Variants in ZNF454 observed in about 807,000 individuals in gnomAD.
ZNF454 encodes zinc finger protein 454.
ZNF454 carries 30 observed loss-of-function variants against 48.2 expected under a neutral mutation model. The observed-to-expected ratio is 0.62, with a 90% CI of 0.47 to 0.84. The LOEUF (loss-of-function observed/expected upper bound fraction) is 0.84. Ranked by LOEUF, ZNF454 falls within the 40% of genes least tolerant of loss-of-function variation. The probability of loss-of-function intolerance (pLI) is 0.00; values close to 1 mark genes in which losing one functional copy is unlikely to be tolerated. For missense variants in ZNF454, 510 were observed against 623.1 expected (o/e 0.82, Z 1.93); for synonymous variants, 204 against 211.4 (o/e 0.97, Z 0.30).
the ZNF454 span, chr5:178,975,997 T>C: frequency 2.6e-6 from 1 of 380,224 alleles, no homozygotes; most frequent in South Asian, 1.9e-5. Flanking sequence ...TCCACTCTGC[T>C]GCCTTCCTCA....
chr5:178,989,462 C>G, the ZNF454 span: 4 of 1,608,662 alleles, frequency 2.5e-6, no homozygotes, highest in Non-Finnish European at 3.4e-6. Context: ...TGTGTTTCTC[C>G]TGTGTCTCTC....
At chr5:178,966,952 G>A (rs1760172878), downstream of ZNF454, among the ~76,000 whole-genome samples, 1 of 152,192 alleles carries the variant, frequency 6.6e-6, no homozygotes, top group Non-Finnish European at 1.5e-5. Context: ...ACCTATCACT[G>A]CCCCTATGGG....
rs1759219954 is a variant in ZNF454 at position 178,944,045 on chromosome 5, A to G, written c.33+1221A>G. ...CCATCTCAAAAATAAAAAATAAAAA[A>G]GAATATGGACTGTGCTTTGAAGGAG... On this transcript the variant is annotated intron_variant, in intron 2 of 4. Transcript: ENST00000519564. This position sits in a 1 kb window ranked among gnomAD's most constrained non-coding sequence, Gnocchi z 4.1. Among the ~76,000 whole-genome samples, 1 of 152,204 alleles carries G rather than the reference A, an allele frequency of 6.6e-6. No individual in the cohort carries two copies. The highest frequency in any genetic ancestry group is 2.4e-5 in the African/African-American group (1 of 41,460).
the ZNF454 span, chr5:178,979,569 G>C: frequency 6.6e-6 from 1 of 152,206 alleles, no homozygotes; most frequent in Non-Finnish European, 1.5e-5. Context: ...AGTCGTCTGC[G>C]GGAAGCCAGG....
At chr5:178,966,973 G>C (rs1760173345), downstream of ZNF454, among the ~76,000 whole-genome samples, 1 of 152,146 alleles carries the variant, frequency 6.6e-6, no homozygotes, top group African/African-American at 2.4e-5. Context: ...GAGTGTGGTG[G>C]TCTGGTCTCA....
chr5:178,989,545 G>A, the ZNF454 span: 1 of 1,084,782 alleles, frequency 9.2e-7, no homozygotes, highest in Admixed American at 1.7e-5. Context: ...GCATGGCCAG[G>A]TGAGCTAGGA....
chr5:178,978,011 A>C, the ZNF454 span, among the ~76,000 whole-genome samples: 1 of 152,170 alleles, frequency 6.6e-6, no homozygotes, highest in Admixed American at 6.5e-5. Flanking sequence ...ACATTTCTTC[A>C]GCCTTTTCTC....
Position 178,942,736 on chromosome 5 carries a change from C to G in ZNF454, c.-56C>G. ...GGAGTCCTGCAGGTGTGAAGCTCCA[C>G]ACCTGCCTCCATAGCACTTTGCCTG... is the stretch of plus-strand genomic sequence containing the variant. On this transcript the variant is annotated 5_prime_UTR_variant, in exon 2 of 5. Coordinates refer to ENST00000519564, the MANE Select transcript of ZNF454 (RefSeq NM_001178089.3). The G allele has an allele frequency of 6.2e-7, 1 of 1,609,708 alleles. No individual in the cohort carries two copies. Among genetic ancestry groups the G allele is most frequent in the Non-Finnish European group, 8.5e-7 (1 of 1,176,332 alleles).
At chr5:178,984,006 G>A in the ZNF454 span, among the ~76,000 whole-genome samples, 1,545 of 152,336 alleles carry the variant, frequency 0.01, 77 homozygotes, top group East Asian at 0.15. Flanking sequence ...CCTGCTGGAA[G>A]GGATGCTTTG....
At chr5:178,989,202 C>CCCCTCCCCACCCTCACCA in the ZNF454 span, 5 of 1,317,358 alleles carry the variant, frequency 3.8e-6, no homozygotes, top group Admixed American at 1.9e-5. Context: ...TCCCGCCTTC[C>CCCCTCCCCACCCTCACCA]CCCTCCCCAC....
In ZNF454 at chr5:178,957,503, G is replaced by T. The variant is rs371074694; in HGVS notation, c.251-7152G>T. On this transcript the variant is annotated intron_variant, in intron 4 of 4. Coordinates refer to ENST00000519564, the MANE Select transcript of ZNF454 (RefSeq NM_001178089.3). ...CGGCTCACTGCAAGCTCCACCTCCT[G>T]GGTTTAGGCCATTCTCCTGCCTCAG... Among the ~76,000 whole-genome samples the T allele has an allele frequency of 3.1e-4, 47 of 152,006 alleles. No individual in the cohort carries two copies. In the East Asian group the frequency reaches 7.7e-3, roughly 25 times the overall value.
chr5:178,945,597 CTG>C (rs1215446230), intron 2 of ZNF454, among the ~76,000 whole-genome samples: 6 of 132,958 alleles, frequency 4.5e-5, no homozygotes, highest in Admixed American at 8.2e-5. Context: ...GTATGTGTCT[CTG>C]TGTGTAGGGG....
At chr5:178,960,198 G>GCC (rs1413417112) in intron 4 of ZNF454, among the ~76,000 whole-genome samples, 1 of 151,066 alleles carries the variant, frequency 6.6e-6, no homozygotes, top group Non-Finnish European at 1.5e-5. Flanking sequence ...CGGTCCTCCT[G>GCC]CCTTGGCCTC....
At chr5:178,948,958 A>G (rs1323505569) in intron 4 of ZNF454, among the ~76,000 whole-genome samples, 1 of 150,640 alleles carries the variant, frequency 6.6e-6, no homozygotes, top group Admixed American at 6.6e-5. Context: ...GCTGGAGTGC[A>G]GTGGTGTAAT....
chr5:178,985,567 G>T, the ZNF454 span: 40 of 339,082 alleles, frequency 1.2e-4, no homozygotes, highest in Admixed American at 2.8e-4. Context: ...GCCGGGCGTG[G>T]TGGCGGGCGC....
downstream of ZNF454, chr5:178,969,765 G>C: frequency 2.4e-6 from 1 of 409,448 alleles, no homozygotes; most frequent in Non-Finnish European, 4.9e-6. Context: ...CACAGTGCCA[G>C]CTCCACTCTG....
At chr5:178,981,993 G>A in the ZNF454 span, 1 of 760,102 alleles carries the variant, frequency 1.3e-6, no homozygotes, top group Non-Finnish European at 2.4e-6. This position sits in a 1 kb window ranked among gnomAD's most constrained non-coding sequence, Gnocchi z 5.1. Context: ...CAGGACAACA[G>A]TATGAGCAGG....
Position 178,965,156 on chromosome 5 carries a change from A to G in ZNF454, c.752A>G (p.Lys251Arg). ...EKPYECKECG[K>R]AFSVSSSLTY... ...CCCTATGAATGTAAGGAATGTGGCA[A>G]GGCCTTCTCAGTGAGCTCCTCACTT... is the stretch of plus-strand genomic sequence containing the variant. Residue 251 changes from lysine to arginine, a missense_variant, in exon 5 of 5, where the codon AAG (lysine) becomes AGG (arginine). Physicochemically the swap from Lys to Arg is conservative, Grantham distance 26. Coordinates refer to ENST00000519564, the MANE Select transcript of ZNF454 (RefSeq NM_001178089.3). The surrounding 1 kb of genome is among the most constrained non-coding windows in gnomAD (Gnocchi z 5.2). The G allele has an allele frequency of 6.2e-7, 1 of 1,614,232 alleles. No individual in the cohort carries two copies. Among genetic ancestry groups the G allele is most frequent in the Non-Finnish European group, 8.5e-7 (1 of 1,180,044 alleles).
chr5:178,967,717 G>GT (rs10610959), downstream of ZNF454, among the ~76,000 whole-genome samples: 27,421 of 128,816 alleles, frequency 0.21, 3,534 homozygotes, highest in Non-Finnish European at 0.29. Flanking sequence ...CCTTTACCCT[G>GT]TTTTTTTTTT....
Sources: gnomAD v4.1 joint callset for allele counts (sites outside exome capture counted in the v4.1 genomes callset) on GRCh38, gnomAD v4.1.1 for gene constraint, Gnocchi (gnomAD v3.1) non-coding constraint, MANE v1.5 for transcripts, NCBI Gene and HGNC (gene_info 2026-07-23, HGNC 2026-07-21) for gene names.